The following SUGT1 variants were observed in gnomAD, a reference collection of about 807,000 sequenced individuals.
SUGT1 encodes SGT1 assembly cochaperone of MIS12 kinetochore complex.
In SUGT1, 15 loss-of-function variants were observed where a neutral mutation model predicts 56.1. That is an observed-to-expected ratio of 0.27 (90% CI 0.18 to 0.41). The LOEUF (loss-of-function observed/expected upper bound fraction) is 0.41. Ranked by LOEUF, SUGT1 falls within the 10% of genes least tolerant of loss-of-function variation. The pLI is 1.00. For missense variants in SUGT1, 347 were observed against 382.2 expected, an observed-to-expected ratio of 0.91 and a Z score of 0.77; for synonymous variants, 123 against 128.6, an observed-to-expected ratio of 0.96 and a Z score of 0.30.
At chr13:52,653,878 A>G (rs1328633563) in intron 2 of SUGT1, among the ~76,000 whole-genome samples, 1 of 152,248 alleles carries the variant, frequency 6.6e-6, no homozygotes, top group South Asian at 2.1e-4. Context: ...ACGTTTAACA[A>G]TTTGAGGCAA....
In SUGT1 at chr13:52,688,493, T is replaced by C. The variant is rs1481879874; in HGVS notation, c.*658T>C. On this transcript the variant is annotated 3_prime_UTR_variant, in exon 13 of 13. Coordinates refer to ENST00000310528, the MANE Select transcript of SUGT1 (RefSeq NM_006704.5). ...ACACACTGCAAGTTTATACTAAGGA[T>C]AATCTGTGAAGGTAGGGCAAAGAAG... 6.6e-6 allele frequency: 1 copy of C among 152,202 alleles called. No individual in the cohort carries two copies. Among genetic ancestry groups the C allele is most frequent in the Non-Finnish European group, 1.5e-5 (1 of 68,028 alleles). 9.4% of individuals were successfully genotyped at this position (152,202 alleles called of 1,614,324 possible). A position where few individuals can be genotyped will look rare whatever the true frequency, so the allele number is the denominator to read the frequency against.
intron 2 of SUGT1, among the ~76,000 whole-genome samples, chr13:52,656,238 T>G (rs533588396): frequency 6.6e-6 from 1 of 152,334 alleles, no homozygotes; most frequent in Non-Finnish European, 1.5e-5. Flanking sequence ...TTACTGGATG[T>G]CACATACAGA....
At position 52,660,681 on chromosome 13, in the gene SUGT1, C is replaced by T. The variant is rs539561367; in HGVS notation, c.328+1432C>T. On this transcript the variant is annotated intron_variant, in intron 5 of 12. Transcript: ENST00000310528. ...CAGTTTTGGTATGTGAATAGTAGGC[C>T]TATTCAGTCAGCAAACAGGACATCT... is the stretch of plus-strand genomic sequence containing the variant. Among the ~76,000 whole-genome samples the T allele has an allele frequency of 2.6e-5, 4 of 152,320 alleles. No homozygotes were observed. In the South Asian group the frequency reaches 6.2e-4, roughly 24 times the overall value.
intron 5 of SUGT1, chr13:52,661,581 C>A: frequency 2.4e-6 from 1 of 416,294 alleles, no homozygotes; most frequent in East Asian, 1.0e-4. Flanking sequence ...GTATGAGCCA[C>A]CATGCCCGGC....
intron 5 of SUGT1, among the ~76,000 whole-genome samples, chr13:52,660,877 G>A (rs544134466): frequency 6.6e-6 from 1 of 152,284 alleles, no homozygotes; most frequent in Admixed American, 6.5e-5. Context: ...TGCGATCTTG[G>A]GTCACTGCAG....
chr13:52,658,738 CTTTT>C (rs59712858), intron 4 of SUGT1, among the ~76,000 whole-genome samples: 12 of 127,742 alleles, frequency 9.4e-5, no homozygotes, highest in African/African-American at 8.9e-5. Context: ...TTTCACATTG[CTTTT>C]TTTTTTTTTT....
In SUGT1 at chr13:52,699,315, G is replaced by C. The variant is rs1214348469; in HGVS notation, c.*11480G>C. 2 of 152,062 alleles carry C rather than the reference G, an allele frequency of 1.3e-5. No homozygotes were observed. The highest frequency in any genetic ancestry group is 4.8e-5 in the African/African-American group (2 of 41,394). The allele number at this position is 152,062 out of a possible 1,614,324, so 9.4% of individuals were successfully genotyped here. A position where few individuals can be genotyped will look rare whatever the true frequency, so the allele number is the denominator to read the frequency against. On this transcript the variant is annotated 3_prime_UTR_variant, in exon 13 of 13. Transcript: ENST00000310528. ...TGAAACAAAATGAGAATAACTATTT[G>C]GGCAAAACACTTTTATCACTGCTAA...
intron 2 of SUGT1, among the ~76,000 whole-genome samples, chr13:52,655,180 T>C (rs907294691): frequency 2.6e-5 from 4 of 152,052 alleles, no homozygotes; most frequent in Non-Finnish European, 4.4e-5. Context: ...CCCGTCTCTA[T>C]TAAAAATACA....
chr13:52,659,953 C>T (rs570913557), intron 5 of SUGT1, among the ~76,000 whole-genome samples: 60 of 150,164 alleles, frequency 4.0e-4, no homozygotes, highest in African/African-American at 1.4e-3. Flanking sequence ...CTCAGCCCCC[C>T]GAGTAGCTGG....
intron 10 of SUGT1, among the ~76,000 whole-genome samples, chr13:52,672,180 C>T (rs143289107): frequency 2.1e-3 from 319 of 152,242 alleles, no homozygotes; most frequent in African/African-American, 5.9e-3. Flanking sequence ...AGGAAGTAAT[C>T]ACTCAGACTC....
intron 12 of SUGT1, among the ~76,000 whole-genome samples, chr13:52,683,920 G>A (rs1012602764): frequency 1.3e-5 from 2 of 151,614 alleles, no homozygotes; most frequent in African/African-American, 4.9e-5. Flanking sequence ...TTTTTCTATC[G>A]CCCAGGCTAG....
chr13:52,661,679 G>A, intron 5 of SUGT1: 1 of 323,848 alleles, frequency 3.1e-6, no homozygotes, highest in South Asian at 2.3e-5. Flanking sequence ...CCCTCTTTGT[G>A]TGATAAATTG....
intron 11 of SUGT1, 108 bp downstream of exon 11, chr13:52,676,428 A>G: frequency 1.1e-6 from 1 of 900,494 alleles, no homozygotes; most frequent in Non-Finnish European, 1.6e-6. Flanking sequence ...TCTCAAGATA[A>G]GATACATTGA....
Position 52,656,253 on chromosome 13 carries a change from G to A in SUGT1, c.97-1279G>A, listed in dbSNP as rs12430482. Among the ~76,000 whole-genome samples, 831 of 152,306 alleles carry A rather than the reference G, an allele frequency of 5.5e-3. 30 individuals are homozygous for A. The highest frequency in any genetic ancestry group is 0.045 in the Admixed American group (694 of 15,296). ...TTACTGGATGTCACATACAGATCTA[G>A]GCAAGCCCAACACCCTGGAGTCATC... On this transcript the variant is annotated intron_variant, in intron 2 of 12. Transcript: ENST00000310528.
In SUGT1 at chr13:52,683,905, C is replaced by T. The variant is rs191981125; in HGVS notation, c.900+3750C>T. ...TGTTTTTTGTCTTTTGTTCTTGAGA[C>T]GGCATTTTTCTATCGCCCAGGCTAG... is the stretch of plus-strand genomic sequence containing the variant. On this transcript the variant is annotated intron_variant, in intron 12 of 12. Transcript: ENST00000310528. Among the ~76,000 whole-genome samples, 67 of 152,078 alleles carry T rather than the reference C, an allele frequency of 4.4e-4. No individual in the cohort carries two copies. In the South Asian group the frequency reaches 6.6e-3, roughly 15 times the overall value.
intron 5 of SUGT1, 109 bp from the exon 6 acceptor site, chr13:52,662,540 C>CGATGGAGAT: frequency 2.9e-6 from 3 of 1,041,474 alleles, no homozygotes; most frequent in East Asian, 2.4e-5. Flanking sequence ...TCGCTGCCGA[C>CGATGGAGAT]TCCCCAGTGC....
rs1963920488 is a variant in SUGT1 at position 52,696,077 on chromosome 13, C to T, written c.*8242C>T. 1.3e-5 allele frequency: 2 copies of T among 152,218 alleles called. No homozygotes were observed. The highest frequency in any genetic ancestry group is 1.5e-5 in the Non-Finnish European group (1 of 68,060). The allele number at this position is 152,218 out of a possible 1,614,324, so 9.4% of individuals were successfully genotyped here. On this transcript the variant is annotated 3_prime_UTR_variant, in exon 13 of 13. Coordinates refer to ENST00000310528, the MANE Select transcript of SUGT1 (RefSeq NM_006704.5). The stretch of plus-strand genomic sequence containing the variant: ...GAGTGCTAATCTATTCCTTGTTTGT[C>T]AGACCAGTACATTACAGTTGGTTCA...
Position 52,698,729 on chromosome 13 carries a change from C to T in SUGT1, c.*10894C>T, listed in dbSNP as rs1964005416. ...GGGATTACAGGCGTGAGCCACCATG[C>T]TTAGCTGATTTGCCCTAATCCTCTG... On this transcript the variant is annotated 3_prime_UTR_variant, in exon 13 of 13. Coordinates refer to ENST00000310528, the MANE Select transcript of SUGT1 (RefSeq NM_006704.5). The T allele has an allele frequency of 6.6e-6, 1 of 152,282 alleles. No homozygotes were observed. Among genetic ancestry groups the T allele is most frequent in the Admixed American group, 6.5e-5 (1 of 15,276 alleles). 9.4% of individuals were successfully genotyped at this position (152,282 alleles called of 1,614,324 possible). A position where few individuals can be genotyped will look rare whatever the true frequency, so the allele number is the denominator to read the frequency against.
chr13:52,668,894 T>G (rs768062302), intron 10 of SUGT1, among the ~76,000 whole-genome samples: 1 of 151,964 alleles, frequency 6.6e-6, no homozygotes, highest in Non-Finnish European at 1.5e-5. Flanking sequence ...TGAGTGTGAA[T>G]TAATGATAAA....
Sources: gnomAD v4.1 joint callset for allele counts (sites outside exome capture counted in the v4.1 genomes callset) on GRCh38, gnomAD v4.1.1 for gene constraint, MANE v1.5 for transcripts, NCBI Gene and HGNC (gene_info 2026-07-23, HGNC 2026-07-21) for gene names.